The following NLGN4Y variants were observed in gnomAD, a reference collection of about 807,000 sequenced individuals.
The protein encoded by NLGN4Y is neuroligin 4 Y-linked.
NLGN4Y carries 4 observed loss-of-function variants against 8.4 expected under a neutral mutation model. The ratio of observed to expected loss-of-function variants is 0.48; its 90% CI spans 0.23 to 1.09. The LOEUF (loss-of-function observed/expected upper bound fraction) is 1.09, where lower values mean the gene tolerates loss of function less well. Among genes scored for constraint, NLGN4Y ranks in the 50% least tolerant of loss-of-function variants. The probability of loss-of-function intolerance (pLI) is 0.19; values close to 1 mark genes in which losing one functional copy is unlikely to be tolerated. For missense variants in NLGN4Y, 90 were observed against 192.3 expected (o/e 0.47, Z 3.15); for synonymous variants, 35 against 75.6 (o/e 0.46, Z 2.78).
chrY:14,573,559 A>G, intron 1 of NLGN4Y, among the ~76,000 whole-genome samples: 5 of 32,935 alleles, frequency 1.5e-4, no homozygotes, highest in Non-Finnish European at 3.0e-4. Context: ...TCCTGGATTC[A>G]TTGATTTTTT....
chrY:14,738,319 A>G lies in NLGN4Y; in HGVS notation c.685+15050A>G. ...TCCAATTCAATTCACAAAAGCAATA[A>G]AAAGAGACGCTATTTTTTTTTCCAT... On this transcript the variant is annotated intron_variant, in intron 4 of 6. Coordinates refer to ENST00000684976, the MANE Select transcript of NLGN4Y (RefSeq NM_001365588.1). Among the ~76,000 whole-genome samples, 4 of 32,847 alleles carry G rather than the reference A, an allele frequency of 1.2e-4. No homozygotes were observed. In the East Asian group the frequency reaches 3.2e-3, roughly 26 times the overall value. 88.1% of individuals were successfully genotyped at this position (32,847 alleles called of 37,273 possible).
At chrY:14,667,941 TA>T (rs2080698072) in intron 2 of NLGN4Y, among the ~76,000 whole-genome samples, 3 of 33,267 alleles carry the variant, frequency 9.0e-5, no homozygotes, top group Non-Finnish European at 1.5e-4. Flanking sequence ...TGAGGATGTA[TA>T]ATTCAACAGA....
At chrY:14,587,850 T>G in intron 1 of NLGN4Y, among the ~76,000 whole-genome samples, 1 of 33,415 alleles carries the variant, frequency 3.0e-5, no homozygotes, top group Non-Finnish European at 7.4e-5. Context: ...AGTCCCCTGG[T>G]CTACCTCTCT....
At position 14,796,082 on chromosome Y, in the gene NLGN4Y, A is replaced by T. The variant is rs373292913; in HGVS notation, c.686-28106A>T. ...TTACCATATTAGATCCATAGGGTGAATTCCTATTTCTTGATCATTTGAGTC... is the reference window on the plus strand; with the variant it reads ...TTACCATATTAGATCCATAGGGTGATTTCCTATTTCTTGATCATTTGAGTC... On this transcript the variant is annotated intron_variant, in intron 4 of 6. Coordinates refer to ENST00000684976, the MANE Select transcript of NLGN4Y (RefSeq NM_001365588.1). Among the ~76,000 whole-genome samples, 67 of 32,981 alleles carry T rather than the reference A, an allele frequency of 2.0e-3. No homozygotes were observed. In the East Asian group the frequency reaches 0.052, roughly 25 times the overall value. 88.5% of individuals were successfully genotyped at this position (32,981 alleles called of 37,273 possible). A position where few individuals can be genotyped will look rare whatever the true frequency, so the allele number is the denominator to read the frequency against.
chrY:14,601,228 A>T, intron 1 of NLGN4Y, among the ~76,000 whole-genome samples: 2 of 30,704 alleles, frequency 6.5e-5, no homozygotes, highest in African/African-American at 2.6e-4. Context: ...CAGCCTCCCA[A>T]GCAGCTGGGA....
intron 4 of NLGN4Y, among the ~76,000 whole-genome samples, chrY:14,732,303 C>G: frequency 3.0e-5 from 1 of 33,278 alleles, no homozygotes; most frequent in African/African-American, 1.2e-4. Flanking sequence ...AGGCTCACTT[C>G]TCTGAGAGGA....
chrY:14,809,160 A>AG (rs2043068423), intron 4 of NLGN4Y, among the ~76,000 whole-genome samples: 1 of 34,357 alleles, frequency 2.9e-5, no homozygotes, highest in African/African-American at 1.1e-4. Context: ...CCACTGTTTG[A>AG]ATTCCTTCCA....
intron 4 of NLGN4Y, among the ~76,000 whole-genome samples, chrY:14,766,842 TC>T (rs2081094575): frequency 3.0e-5 from 1 of 33,486 alleles, no homozygotes; most frequent in African/African-American, 1.1e-4. Flanking sequence ...TTATTTAAAT[TC>T]CTTTGTGAAA....
intron 1 of NLGN4Y, among the ~76,000 whole-genome samples, chrY:14,611,308 T>C: frequency 3.1e-5 from 1 of 32,006 alleles, no homozygotes; most frequent in South Asian, 6.9e-4. Flanking sequence ...TGTTTCTTTA[T>C]AGTGTCATTA....
chrY:14,800,670 T>C (rs970908955), intron 4 of NLGN4Y, among the ~76,000 whole-genome samples: 27 of 30,891 alleles, frequency 8.7e-4, no homozygotes, highest in Middle Eastern at 0.018. Flanking sequence ...ATATACATAC[T>C]TACATATTAT....
At chrY:14,697,251 T>TA (rs2080831530) in intron 2 of NLGN4Y, among the ~76,000 whole-genome samples, 1 of 23,179 alleles carries the variant, frequency 4.3e-5, no homozygotes. Context: ...ATAGATAGAT[T>TA]GATAGATAAT....
intron 2 of NLGN4Y, among the ~76,000 whole-genome samples, chrY:14,634,263 A>G: frequency 8.9e-5 from 3 of 33,575 alleles, no homozygotes; most frequent in Admixed American, 8.2e-4. Flanking sequence ...TTTCAATCTA[A>G]TGTTCTGTAT....
intron 1 of NLGN4Y, among the ~76,000 whole-genome samples, chrY:14,598,329 C>G (rs2080412594): frequency 2.9e-5 from 1 of 34,271 alleles, no homozygotes; most frequent in Non-Finnish European, 7.4e-5. Context: ...CTGCAGGTCC[C>G]GAGCCCTGCC....
intron 2 of NLGN4Y, among the ~76,000 whole-genome samples, chrY:14,700,443 C>A: frequency 5.9e-5 from 2 of 33,651 alleles, no homozygotes; most frequent in Non-Finnish European, 1.5e-4. Context: ...GCCATTTATT[C>A]TTCGTCGAAT....
At chrY:14,605,273 A>G (rs2080443717) in intron 1 of NLGN4Y, among the ~76,000 whole-genome samples, 1 of 33,007 alleles carries the variant, frequency 3.0e-5, no homozygotes, top group African/African-American at 1.2e-4. Context: ...CTGTTTCTGC[A>G]TTAATTTACT....
At chrY:14,592,189 A>G (rs2080374451) in intron 1 of NLGN4Y, among the ~76,000 whole-genome samples, 1 of 32,619 alleles carries the variant, frequency 3.1e-5, no homozygotes, top group African/African-American at 1.2e-4. Flanking sequence ...AGGAAGGTAA[A>G]GAGGGTGCTC....
In NLGN4Y at chrY:14,826,013, G is replaced by A. The variant is rs202042197; in HGVS notation, c.871+1640G>A. Among the ~76,000 whole-genome samples the A allele has an allele frequency of 1.5e-3, 51 of 33,604 alleles. No homozygotes were observed. In the East Asian group the frequency reaches 0.039, roughly 26 times the overall value. The allele number at this position is 33,604 out of a possible 37,273, so 90.2% of individuals were successfully genotyped here. A position where few individuals can be genotyped will look rare whatever the true frequency, so the allele number is the denominator to read the frequency against. On this transcript the variant is annotated intron_variant, in intron 5 of 6. Coordinates refer to ENST00000684976, the MANE Select transcript of NLGN4Y (RefSeq NM_001365588.1). ...TGAGGCTCACTCAATGCAATTCCCT[G>A]ATGCTAATGCAAGAGGGAGGCTCTC...
intron 2 of NLGN4Y, among the ~76,000 whole-genome samples, chrY:14,630,881 G>T: frequency 3.1e-5 from 1 of 32,301 alleles, no homozygotes; most frequent in South Asian, 7.0e-4. Context: ...TCCCTGAGCG[G>T]GATCTTGCAC....
At chrY:14,755,615 G>A in intron 4 of NLGN4Y, among the ~76,000 whole-genome samples, 1 of 34,035 alleles carries the variant, frequency 2.9e-5, no homozygotes, top group South Asian at 6.5e-4. Flanking sequence ...AAAATCACTT[G>A]AGGATCCTCC....
Sources: gnomAD v4.1 joint callset for allele counts (sites outside exome capture counted in the v4.1 genomes callset) on GRCh38, gnomAD v4.1.1 for gene constraint, MANE v1.5 for transcripts, NCBI Gene and HGNC (gene_info 2026-07-23, HGNC 2026-07-21) for gene names.